The following TPTE2 variants were observed in gnomAD, a reference collection of about 807,000 sequenced individuals.
TPTE2 encodes transmembrane phosphoinositide 3-phosphatase and tensin homolog 2.
In TPTE2, 53 loss-of-function variants were observed where a neutral mutation model predicts 78.6. The observed-to-expected ratio is 0.67, with a 90% confidence interval of 0.54 to 0.85. The LOEUF is 0.85. Ranked by LOEUF, TPTE2 falls within the 40% of genes least tolerant of loss-of-function variation. The pLI is 0.00. For synonymous variants in TPTE2, 175 were observed against 206.2 expected (o/e 0.85, Z 1.30); for missense variants, 461 against 623.0 (o/e 0.74, Z 2.77).
chr13:19,517,841 T>G (rs1221594464), intron 1 of TPTE2, among the ~76,000 whole-genome samples: 1 of 152,106 alleles, frequency 6.6e-6, no homozygotes, highest in East Asian at 1.9e-4. Flanking sequence ...TCATTAAAGA[T>G]GAGGGAGAAG....
In TPTE2 at chr13:19,522,285, C is replaced by T. The variant is rs186749738; in HGVS notation, c.-44+14311G>A. On this transcript the variant is annotated intron_variant, in intron 1 of 17. Transcript: ENST00000390680. ...GCAATTTGGATATGCCAGAGAGAAGCCACAGTGTGCTTCCTTTAAGTGAAA... is the reference window on the plus strand; with the variant it reads ...GCAATTTGGATATGCCAGAGAGAAGTCACAGTGTGCTTCCTTTAAGTGAAA... 4.9e-3 allele frequency among the ~76,000 whole-genome samples: 742 copies of T among 152,282 alleles called. 2 individuals carry two copies. Among genetic ancestry groups the T allele is most frequent in the Admixed American group, 0.011 (174 of 15,294 alleles).
intron 10 of TPTE2, among the ~76,000 whole-genome samples, chr13:19,455,952 G>T (rs531022488): frequency 6.6e-6 from 1 of 152,226 alleles, no homozygotes; most frequent in South Asian, 2.1e-4. Context: ...AGTGAAGCAT[G>T]AAATTCTTTC....
chr13:19,513,967 G>A (rs1869623571), intron 1 of TPTE2, among the ~76,000 whole-genome samples: 1 of 152,118 alleles, frequency 6.6e-6, no homozygotes, highest in South Asian at 2.1e-4. Context: ...ACCTGAGGCA[G>A]GGGCTCCATC....
At chr13:19,468,025 C>CT (rs71092364) in intron 6 of TPTE2, among the ~76,000 whole-genome samples, 1 of 45,538 alleles carries the variant, frequency 2.2e-5, no homozygotes, top group African/African-American at 9.4e-5. Flanking sequence ...GACAGGATCT[C>CT]TTTTTTTTTT....
At position 19,476,926 on chromosome 13, in the gene TPTE2, G is replaced by A. The variant is rs1393688514; in HGVS notation, c.180-1303C>T. Among the ~76,000 whole-genome samples the A allele has an allele frequency of 2.0e-5, 3 of 152,210 alleles. No individual in the cohort carries two copies. The East Asian group carries it at 5.8e-4, about 29-fold the overall frequency. On this transcript the variant is annotated intron_variant, in intron 4 of 19. Coordinates refer to ENST00000400230, the Ensembl canonical transcript of TPTE2. ...TACATGCATATGAATGTTCACTGCAGCACTATTTACAATAGCAAAGACATG... is the reference window on the plus strand; with the variant it reads ...TACATGCATATGAATGTTCACTGCAACACTATTTACAATAGCAAAGACATG...
the TPTE2 span, among the ~76,000 whole-genome samples, chr13:19,553,456 A>G: frequency 2.6e-5 from 4 of 152,142 alleles, no homozygotes; most frequent in African/African-American, 7.2e-5. Flanking sequence ...CACCCAAGAG[A>G]TAATACATGT....
At chr13:19,509,279 G>C (rs2137689872) in intron 1 of TPTE2, among the ~76,000 whole-genome samples, 1 of 152,210 alleles carries the variant, frequency 6.6e-6, no homozygotes, top group Non-Finnish European at 1.5e-5. Context: ...ACATAAGGAG[G>C]TAAGCATAAG....
rs574315687 is a variant in TPTE2 at position 19,486,153 on chromosome 13, T to C, written c.120-3606A>G. Among the ~76,000 whole-genome samples the C allele has an allele frequency of 3.2e-4, 49 of 152,238 alleles. No individual in the cohort carries two copies. The highest frequency in any genetic ancestry group is 1.2e-3 in the African/African-American group (48 of 41,542). The stretch of plus-strand genomic sequence containing the variant: ...AGTCACCTTTTCCAATTTTATGGAG[T>C]AGGTTTACTTGTATGAATTTATTTC... On this transcript the variant is annotated intron_variant, in intron 3 of 19. Transcript: ENST00000400230. The surrounding 1 kb of genome is among the most constrained non-coding windows in gnomAD (Gnocchi z 4.3).
At chr13:19,510,244 A>G (rs1187009139) in intron 1 of TPTE2, among the ~76,000 whole-genome samples, 2 of 152,154 alleles carry the variant, frequency 1.3e-5, no homozygotes, top group Non-Finnish European at 1.5e-5. Context: ...TAGTGTTGCC[A>G]TAAGGGATAC....
At chr13:19,422,897 T>C (rs956453499) in exon 20 of TPTE2, 4 of 629,664 alleles carry the variant, frequency 6.4e-6, no homozygotes, top group South Asian at 8.0e-5. Context: ...ATATATTTAA[T>C]AGATTTATGA....
intron 3 of TPTE2, among the ~76,000 whole-genome samples, chr13:19,490,461 G>A (rs1186054859): frequency 6.6e-6 from 1 of 151,994 alleles, no homozygotes; most frequent in Non-Finnish European, 1.5e-5. Context: ...TGTCTGTAAT[G>A]GAATTTTTCA....
intron 1 of TPTE2, among the ~76,000 whole-genome samples, chr13:19,524,092 G>T (rs774810022): frequency 1.3e-5 from 2 of 152,254 alleles, no homozygotes; most frequent in South Asian, 2.1e-4. Context: ...AGCAATGCTG[G>T]GGATCTAGAA....
chr13:19,500,019 C>G (rs1350528157), intron 1 of TPTE2, among the ~76,000 whole-genome samples: 6 of 148,732 alleles, frequency 4.0e-5, no homozygotes, highest in Non-Finnish European at 9.0e-5. Context: ...ATACTACAAA[C>G]ACCTCTACGC....
chr13:19,531,481 A>T (rs1300272459), intron 1 of TPTE2, among the ~76,000 whole-genome samples: 1 of 152,076 alleles, frequency 6.6e-6, no homozygotes, highest in Non-Finnish European at 1.5e-5. Context: ...TAGAAAATTT[A>T]AGTCATTTAT....
At chr13:19,507,126 T>C (rs1012499018), upstream of TPTE2, among the ~76,000 whole-genome samples, 11 of 152,152 alleles carry the variant, frequency 7.2e-5, no homozygotes, top group Admixed American at 2.6e-4. Context: ...CATTATAGGC[T>C]AGTGATATCA....
At chr13:19,426,470 G>A (rs374721313) in exon 18 of TPTE2, 238 of 1,606,752 alleles carry the variant, frequency 1.5e-4, no homozygotes, top group South Asian at 1.9e-4. Flanking sequence ...GAGGTGGACC[G>A]TCATATACAT....
At chr13:19,445,446 T>C (rs1481791310) in intron 13 of TPTE2, among the ~76,000 whole-genome samples, 1 of 152,154 alleles carries the variant, frequency 6.6e-6, no homozygotes, top group Non-Finnish European at 1.5e-5. Flanking sequence ...ATACTCAGAA[T>C]TGCAAGTATT....
At chr13:19,545,823 A>C in the TPTE2 span, among the ~76,000 whole-genome samples, 1 of 152,250 alleles carries the variant, frequency 6.6e-6, no homozygotes, top group Non-Finnish European at 1.5e-5. Context: ...ACTCCTTGGC[A>C]GGAACTCATA....
upstream of TPTE2, among the ~76,000 whole-genome samples, chr13:19,539,141 G>C (rs1379477215): frequency 6.6e-6 from 1 of 152,188 alleles, no homozygotes; most frequent in Non-Finnish European, 1.5e-5. Context: ...GAGCCCTCAT[G>C]ATCCAATCAA....
Sources: gnomAD v4.1 joint callset for allele counts (sites outside exome capture counted in the v4.1 genomes callset) on GRCh38, gnomAD v4.1.1 for gene constraint, Gnocchi (gnomAD v3.1) non-coding constraint, MANE v1.5 for transcripts, NCBI Gene and HGNC (gene_info 2026-07-23, HGNC 2026-07-21) for gene names.